IQGAP1: variants seen among roughly 807,000 people sequenced by gnomAD.
The protein encoded by IQGAP1 is IQ motif containing GTPase activating protein 1.
Under a neutral mutation model 215.6 loss-of-function variants are expected in IQGAP1, and 66 were observed. The ratio of observed to expected loss-of-function variants is 0.31; its 90% CI spans 0.25 to 0.38. The LOEUF (loss-of-function observed/expected upper bound fraction) is 0.38. IQGAP1 is among the 10% of genes least tolerant of loss of function. The pLI is 1.00. For missense variants in IQGAP1, 1,712 were observed against 1,997.1 expected (o/e 0.86, Z 2.72); for synonymous variants, 772 against 728.7 (o/e 1.06, Z -0.96).
intron 28 of IQGAP1, 157 bp from the exon 29 acceptor site, chr15:90,483,204 A>G: frequency 1.7e-6 from 1 of 594,048 alleles, no homozygotes; most frequent in Non-Finnish European, 3.0e-6. Flanking sequence ...CATGAGAGAG[A>G]GTGTGTATAT....
At chr15:90,397,888 C>CTTTTTTTTTTTTT (rs763133807) in intron 2 of IQGAP1, 4 of 44,368 alleles carry the variant, frequency 9.0e-5, no homozygotes, top group African/African-American at 2.4e-4. Context: ...TTTTTTTTTT[C>CTTTTTTTTTTTTT]TTTTTTTTTT....
In IQGAP1 at chr15:90,433,611, C is replaced by T. The variant is rs188887929; in HGVS notation, c.391-108C>T. 3.0e-4 allele frequency: 178 copies of T among 594,278 alleles called. No homozygotes were observed. In the East Asian group the frequency reaches 4.5e-3, roughly 15 times the overall value. 36.8% of individuals were successfully genotyped at this position (594,278 alleles called of 1,614,324 possible). On this transcript the variant is annotated intron_variant, in intron 4 of 37. Transcript: ENST00000268182. Reference sequence around the variant, plus strand: ...CACCGATGTTTTCTAAGAATGCCACCGATGTTTTCTAACTGTCCATAGTTT... The same window carrying T: ...CACCGATGTTTTCTAAGAATGCCACTGATGTTTTCTAACTGTCCATAGTTT...
At chr15:90,423,215 T>C (rs947160143) in intron 2 of IQGAP1, among the ~76,000 whole-genome samples, 5 of 152,154 alleles carry the variant, frequency 3.3e-5, no homozygotes, top group African/African-American at 1.2e-4. Context: ...CATGGCACTT[T>C]ACTTTTCAAA....
intron 2 of IQGAP1, among the ~76,000 whole-genome samples, chr15:90,423,529 T>C (rs780052493): frequency 1.3e-5 from 2 of 152,164 alleles, no homozygotes; most frequent in African/African-American, 2.4e-5. Context: ...CACTGCATCC[T>C]ACCTAGTCCT....
chr15:90,464,800 C>T (rs916045251), intron 15 of IQGAP1, among the ~76,000 whole-genome samples: 7 of 150,960 alleles, frequency 4.6e-5, no homozygotes, highest in South Asian at 2.1e-4. Flanking sequence ...TGCAGTGAGC[C>T]GAGATCACGC....
intron 4 of IQGAP1, among the ~76,000 whole-genome samples, chr15:90,431,032 A>C (rs1157181342): frequency 6.8e-6 from 1 of 148,052 alleles, no homozygotes; most frequent in Non-Finnish European, 1.5e-5. Context: ...ATATATAATC[A>C]TATATACAAT....
intron 18 of IQGAP1, among the ~76,000 whole-genome samples, chr15:90,472,364 TC>T (rs1272991416): frequency 5.3e-5 from 8 of 152,222 alleles, no homozygotes; most frequent in Admixed American, 5.2e-4. Flanking sequence ...GTCCAAACCC[TC>T]TAGGCTACTT....
chr15:90,499,290 G>A (rs564344110), intron 37 of IQGAP1, among the ~76,000 whole-genome samples: 1 of 152,312 alleles, frequency 6.6e-6, no homozygotes, highest in African/African-American at 2.4e-5. Context: ...CTGTCCTGTT[G>A]TGCAAGTCAT....
At chr15:90,400,780 C>A (rs1964793590) in intron 2 of IQGAP1, among the ~76,000 whole-genome samples, 1 of 152,128 alleles carries the variant, frequency 6.6e-6, no homozygotes, top group Non-Finnish European at 1.5e-5. Flanking sequence ...TTTGAGGACC[C>A]AAGTTGGCAT....
At chr15:90,437,046 G>C (rs1009884092) in intron 5 of IQGAP1, among the ~76,000 whole-genome samples, 12 of 151,978 alleles carry the variant, frequency 7.9e-5, no homozygotes, top group Admixed American at 7.2e-4. Context: ...GGTTTAACTG[G>C]CTTAAGGTTC....
At chr15:90,480,220 TAAAAAAA>T (rs999179798) in intron 26 of IQGAP1, among the ~76,000 whole-genome samples, 1 of 92,448 alleles carries the variant, frequency 1.1e-5, no homozygotes, top group South Asian at 2.8e-4. Context: ...CCCCATATCT[TAAAAAAA>T]AAAAAAAAAA....
intron 33 of IQGAP1, among the ~76,000 whole-genome samples, chr15:90,488,448 A>G (rs1287718544): frequency 2.0e-5 from 3 of 151,884 alleles, no homozygotes; most frequent in Non-Finnish European, 4.4e-5. Flanking sequence ...GAAACCATGA[A>G]TGTGTAGGGT....
intron 26 of IQGAP1, among the ~76,000 whole-genome samples, 192 bp downstream of exon 26, chr15:90,478,081 T>C (rs1966005710): frequency 6.6e-6 from 1 of 152,126 alleles, no homozygotes. Context: ...AGCCTCCACC[T>C]CCCAGGTCTA....
At chr15:90,415,890 G>T (rs763870453) in intron 2 of IQGAP1, among the ~76,000 whole-genome samples, 3 of 152,152 alleles carry the variant, frequency 2.0e-5, no homozygotes, top group Non-Finnish European at 2.9e-5. Flanking sequence ...ATTCCTGCAG[G>T]TTAGATTACT....
At chr15:90,395,338 T>C (rs1964698438) in intron 2 of IQGAP1, among the ~76,000 whole-genome samples, 1 of 152,178 alleles carries the variant, frequency 6.6e-6, no homozygotes. Context: ...TGTTTTTTTT[T>C]GAAACGGAGT....
At chr15:90,431,210 C>G (rs1242253709) in intron 4 of IQGAP1, 1 of 151,802 alleles carries the variant, frequency 6.6e-6, no homozygotes. Flanking sequence ...CTTTTCTCCT[C>G]TTTTTTTCAG....
At chr15:90,470,217 AACTT>A (rs1180761581) in intron 18 of IQGAP1, among the ~76,000 whole-genome samples, 1 of 152,098 alleles carries the variant, frequency 6.6e-6, no homozygotes, top group Non-Finnish European at 1.5e-5. Flanking sequence ...CTGTACTTTG[AACTT>A]ACTTGGATTT....
intron 14 of IQGAP1, 31 bp downstream of exon 14, chr15:90,454,583 T>A: frequency 6.6e-7 from 1 of 1,514,054 alleles, no homozygotes; most frequent in Non-Finnish European, 8.8e-7. Context: ...CCCCAAATAA[T>A]GTCACCATTA....
intron 15 of IQGAP1, among the ~76,000 whole-genome samples, chr15:90,463,080 C>G (rs1298035846): frequency 6.6e-6 from 1 of 152,184 alleles, no homozygotes; most frequent in South Asian, 2.1e-4. Context: ...TGTATGCTGT[C>G]TCTCTTTCCT....
Sources: gnomAD v4.1 joint callset for allele counts (sites outside exome capture counted in the v4.1 genomes callset) on GRCh38, gnomAD v4.1.1 for gene constraint, MANE v1.5 for transcripts, NCBI Gene and HGNC (gene_info 2026-07-23, HGNC 2026-07-21) for gene names.